The following PRKCA variants were observed in gnomAD, a reference collection of about 807,000 sequenced individuals.
The protein encoded by PRKCA is protein kinase C alpha.
PRKCA carries 27 observed loss-of-function variants against 87.0 expected under a neutral mutation model. That is an observed-to-expected ratio of 0.31 (90% CI 0.23 to 0.43). The LOEUF (loss-of-function observed/expected upper bound fraction) is 0.43. Among genes scored for constraint, PRKCA ranks in the 20% least tolerant of loss-of-function variants. PRKCA has a pLI of 1.00. For synonymous variants in PRKCA, 329 were observed against 311.1 expected (o/e 1.06, Z -0.61); for missense variants, 518 against 852.3 (o/e 0.61, Z 4.88).
intron 2 of PRKCA, among the ~76,000 whole-genome samples, chr17:66,355,155 A>T (rs1907974988): frequency 6.6e-6 from 1 of 152,198 alleles, no homozygotes; most frequent in South Asian, 2.1e-4. Context: ...AGATTTTCTC[A>T]TTGAACACAT....
intron 2 of PRKCA, among the ~76,000 whole-genome samples, chr17:66,488,370 T>C (rs1044070647): frequency 2.0e-5 from 3 of 152,238 alleles, no homozygotes; most frequent in African/African-American, 7.2e-5. Flanking sequence ...CTGAAGGTGA[T>C]AGCCTTGCTG....
chr17:66,479,486 C>T (rs999857481), intron 2 of PRKCA, among the ~76,000 whole-genome samples: 4 of 152,162 alleles, frequency 2.6e-5, no homozygotes, highest in African/African-American at 9.7e-5. Flanking sequence ...CCATTTGACC[C>T]AGCAATCCCA....
intron 1 of PRKCA, among the ~76,000 whole-genome samples, chr17:66,303,988 C>T (rs546352156): frequency 4.3e-4 from 65 of 152,158 alleles, no homozygotes; most frequent in East Asian, 1.2e-3. Flanking sequence ...TGAGACAGAG[C>T]GAGATTCCGT....
At chr17:66,417,239 A>AT (rs1336323898) in intron 2 of PRKCA, among the ~76,000 whole-genome samples, 11 of 151,996 alleles carry the variant, frequency 7.2e-5, no homozygotes, top group African/African-American at 2.7e-4. Context: ...AGATTAATTG[A>AT]AAATTATTAA....
Position 66,319,297 on chromosome 17 carries a change from A to G in PRKCA, c.205+13170A>G, listed in dbSNP as rs557007024. On this transcript the variant is annotated intron_variant, in intron 2 of 16. Coordinates refer to ENST00000413366, the MANE Select transcript of PRKCA (RefSeq NM_002737.3). ...TTGCTAATGCTTTTCTAGATGTTAT[A>G]TGTTTTATTTAAAGTAAACTCTGGA... Among the ~76,000 whole-genome samples the G allele has an allele frequency of 3.9e-5, 6 of 152,294 alleles. No individual in the cohort carries two copies. In the East Asian group the frequency reaches 1.2e-3, roughly 29 times the overall value.
Position 66,686,516 on chromosome 17 carries a change from C to T in PRKCA, c.530-595C>T, listed in dbSNP as rs374805402. ...GAATCACCCAAGGAGCTTTTAAAAA[C>T]GAATACTTGAGCCACATTCCTTGGA... On this transcript the variant is annotated intron_variant, in intron 5 of 16. Coordinates refer to ENST00000413366, the MANE Select transcript of PRKCA (RefSeq NM_002737.3). Among the ~76,000 whole-genome samples the T allele has an allele frequency of 2.6e-4, 40 of 152,252 alleles. 1 individual carries two copies. In the South Asian group the frequency reaches 5.2e-3, roughly 20 times the overall value.
At chr17:66,718,337 G>T (rs951729144) in intron 8 of PRKCA, among the ~76,000 whole-genome samples, 1 of 152,150 alleles carries the variant, frequency 6.6e-6, no homozygotes, top group African/African-American at 2.4e-5. Context: ...TTTAGAGACA[G>T]GGTCTCATTC....
intron 13 of PRKCA, among the ~76,000 whole-genome samples, chr17:66,749,998 G>A (rs1466704852): frequency 6.6e-6 from 1 of 152,120 alleles, no homozygotes; most frequent in East Asian, 1.9e-4. Flanking sequence ...ACTTCTCCTG[G>A]CCTCTGGGGA....
At chr17:66,692,825 A>G (rs1389719161) in intron 8 of PRKCA, among the ~76,000 whole-genome samples, 2 of 152,194 alleles carry the variant, frequency 1.3e-5, no homozygotes, top group Admixed American at 1.3e-4. Context: ...TCAGCTGAGT[A>G]AGATTTTTTT....
intron 2 of PRKCA, among the ~76,000 whole-genome samples, chr17:66,458,589 T>G (rs1466239946): frequency 6.6e-6 from 1 of 152,090 alleles, no homozygotes; most frequent in Non-Finnish European, 1.5e-5. Flanking sequence ...CAAGCAATCC[T>G]CTTGCTTCAG....
At chr17:66,595,884 T>C (rs545043177) in intron 3 of PRKCA, among the ~76,000 whole-genome samples, 1 of 152,310 alleles carries the variant, frequency 6.6e-6, no homozygotes, top group South Asian at 2.1e-4. Flanking sequence ...TTAAATCTAT[T>C]ACCACCGATC....
At chr17:66,425,210 T>A (rs938991434) in intron 2 of PRKCA, among the ~76,000 whole-genome samples, 2 of 152,170 alleles carry the variant, frequency 1.3e-5, no homozygotes, top group African/African-American at 4.8e-5. Context: ...ATGCTGCTAG[T>A]TCTTTTCTTT....
intron 3 of PRKCA, among the ~76,000 whole-genome samples, chr17:66,583,508 A>T (rs1210262502): frequency 1.3e-5 from 2 of 152,190 alleles, no homozygotes; most frequent in East Asian, 3.8e-4. Flanking sequence ...CCTTTAGGGA[A>T]ATATTCTTGA....
At chr17:66,339,517 A>G (rs1362676474) in intron 2 of PRKCA, among the ~76,000 whole-genome samples, 1 of 152,136 alleles carries the variant, frequency 6.6e-6, no homozygotes, top group South Asian at 2.1e-4. Context: ...TGACTCCTAC[A>G]GTTTTCCTAG....
intron 1 of PRKCA, among the ~76,000 whole-genome samples, chr17:66,305,663 G>A (rs879278621): frequency 1.3e-5 from 2 of 152,180 alleles, no homozygotes; most frequent in Non-Finnish European, 1.5e-5. Flanking sequence ...ACAAAAAGAA[G>A]CCACTTTGTT....
At chr17:66,732,894 C>G in intron 9 of PRKCA, 69 bp downstream of exon 9, 2 of 1,558,576 alleles carry the variant, frequency 1.3e-6, no homozygotes, top group Non-Finnish European at 1.7e-6. Flanking sequence ...TTGTTCTCCT[C>G]GTAGTTTGCA....
chr17:66,405,702 C>A (rs544733568), intron 2 of PRKCA, among the ~76,000 whole-genome samples: 4 of 152,322 alleles, frequency 2.6e-5, no homozygotes, highest in African/African-American at 7.2e-5. Flanking sequence ...ATCATTCAAT[C>A]CCTATTCCTT....
intron 15 of PRKCA, among the ~76,000 whole-genome samples, chr17:66,787,333 GGGCACAGT>G (rs1975425574): frequency 1.3e-5 from 2 of 151,978 alleles, no homozygotes. Flanking sequence ...CTACTGGGCA[GGGCACAGT>G]GGCGAAAGTG....
chr17:66,388,782 C>G (rs1446150634), intron 2 of PRKCA, among the ~76,000 whole-genome samples: 3 of 152,132 alleles, frequency 2.0e-5, no homozygotes, highest in African/African-American at 2.4e-5. Flanking sequence ...ACACAAAGAC[C>G]CAGGGTCGTG....
Sources: allele counts gnomAD v4.1 joint callset (sites outside exome capture counted in the v4.1 genomes callset), GRCh38; gene constraint gnomAD v4.1.1; transcripts MANE v1.5; gene names NCBI Gene and HGNC (gene_info 2026-07-23, HGNC 2026-07-21).